Variants in DNAAF9 observed in about 807,000 individuals in gnomAD.
The protein encoded by DNAAF9 is dynein axonemal assembly factor 9, also known as shulin.
In DNAAF9, 90 loss-of-function variants were observed where a neutral mutation model predicts 167.0. The observed-to-expected ratio is 0.54, with a 90% CI of 0.45 to 0.64. DNAAF9 has a LOEUF of 0.64. DNAAF9 is among the 30% of genes least tolerant of loss of function. The pLI, the probability that DNAAF9 is intolerant of heterozygous loss-of-function variation, is 0.00. For synonymous variants in DNAAF9, 491 were observed against 508.8 expected, an observed-to-expected ratio of 0.96 and a Z score of 0.47; for missense variants, 1,315 against 1,442.2, an observed-to-expected ratio of 0.91 and a Z score of 1.43.
intron 31 of DNAAF9, among the ~76,000 whole-genome samples, chr20:3,264,094 A>G (rs912977200): frequency 1.1e-4 from 16 of 152,240 alleles, no homozygotes; most frequent in African/African-American, 3.9e-4. Context: ...TATTGTCAGA[A>G]GCGAGTCTCA....
chr20:3,298,198 T>A, intron 21 of DNAAF9, 23 bp from the exon 22 acceptor site: 1 of 1,604,782 alleles, frequency 6.2e-7, no homozygotes, highest in East Asian at 2.2e-5. Flanking sequence ...GGAGGGAGCA[T>A]CAGCAAGAAG....
chr20:3,294,157 G>T lies in DNAAF9; in HGVS notation c.2220C>A (p.His740Gln). ...CCTCTACCTTGTCACTTTCTATTCT[G>T]TGAGTAGTGTTGATTTCAGCTTGCT... ...LLQQAEINTT[H>Q]RIESDKVIIS... The change falls in exon 25 of 37, where the codon CAC becomes CAA. Residue 740 changes from histidine to glutamine, a missense_variant. Physicochemically the swap from His to Gln is conservative, Grantham distance 24. Coordinates refer to ENST00000252032, the MANE Select transcript of DNAAF9 (RefSeq NM_001009984.3). The T allele has an allele frequency of 6.3e-7, 1 of 1,592,400 alleles. No homozygotes were observed. Among genetic ancestry groups the T allele is most frequent in the East Asian group, 2.2e-5 (1 of 44,786 alleles).
chr20:3,288,023 A>G (rs964475838), intron 26 of DNAAF9, among the ~76,000 whole-genome samples: 2 of 152,214 alleles, frequency 1.3e-5, no homozygotes, highest in Admixed American at 6.5e-5. Context: ...ACCCCTTGCC[A>G]TAGGGAAAAT....
chr20:3,389,704 C>T (rs1199264977), intron 1 of DNAAF9, among the ~76,000 whole-genome samples: 1 of 151,586 alleles, frequency 6.6e-6, no homozygotes, highest in Non-Finnish European at 1.5e-5. Context: ...TAAAGAATAA[C>T]AACAAAATGC....
At chr20:3,345,630 A>G (rs1195407338) in intron 8 of DNAAF9, among the ~76,000 whole-genome samples, 1 of 152,230 alleles carries the variant, frequency 6.6e-6, no homozygotes, top group Non-Finnish European at 1.5e-5. Context: ...TACAAGTGCT[A>G]GAGGGTAACT....
chr20:3,337,440 G>GTTTTTTTTTT, intron 10 of DNAAF9, among the ~76,000 whole-genome samples: 1 of 134,402 alleles, frequency 7.4e-6, no homozygotes, highest in Non-Finnish European at 1.6e-5. Context: ...CTTTTTTTTT[G>GTTTTTTTTTT]TTTTTTTTTT....
intron 35 of DNAAF9, 116 bp from the exon 36 acceptor site, chr20:3,253,935 A>G: frequency 1.5e-6 from 1 of 648,186 alleles, no homozygotes; most frequent in South Asian, 1.9e-5. Context: ...TATACAGAGG[A>G]GCTAGGAAGC....
chr20:3,380,009 T>C (rs2083626608), intron 3 of DNAAF9, among the ~76,000 whole-genome samples: 1 of 152,184 alleles, frequency 6.6e-6, no homozygotes, highest in Admixed American at 6.5e-5. Context: ...TGAGCCAAGA[T>C]CGCACAACTG....
intron 20 of DNAAF9, among the ~76,000 whole-genome samples, chr20:3,308,752 G>C (rs2069349528): frequency 6.6e-6 from 1 of 151,906 alleles, no homozygotes; most frequent in African/African-American, 2.4e-5. Context: ...TGAGGTGGGA[G>C]CTTCACGTGA....
At chr20:3,271,773 C>T (rs924259501) in intron 29 of DNAAF9, among the ~76,000 whole-genome samples, 2 of 151,708 alleles carry the variant, frequency 1.3e-5, no homozygotes, top group Non-Finnish European at 2.9e-5. Context: ...TGGTGCGCGC[C>T]ACCATGCCCA....
chr20:3,290,816 T>G (rs1600716071), intron 25 of DNAAF9, among the ~76,000 whole-genome samples: 2 of 138,650 alleles, frequency 1.4e-5, no homozygotes, highest in Admixed American at 7.7e-5. Context: ...TGAGATGGAG[T>G]CTCACTCTGT....
At chr20:3,272,736 T>C (rs1488544912) in intron 29 of DNAAF9, among the ~76,000 whole-genome samples, 2 of 152,224 alleles carry the variant, frequency 1.3e-5, no homozygotes, top group African/African-American at 4.8e-5. Context: ...AATAGAATTC[T>C]CACAGGTGTT....
chr20:3,311,995 C>CT (rs397962124), intron 20 of DNAAF9, among the ~76,000 whole-genome samples: 28,844 of 145,050 alleles, frequency 0.2, 3,040 homozygotes, highest in African/African-American at 0.25. Context: ...TCTTTTTTTT[C>CT]TTTTTTTTTT....
At chr20:3,378,683 TA>T (rs887300499) in intron 3 of DNAAF9, among the ~76,000 whole-genome samples, 1 of 152,024 alleles carries the variant, frequency 6.6e-6, no homozygotes, top group Non-Finnish European at 1.5e-5. Flanking sequence ...GGCACACGCA[TA>T]GGGGCAGAGA....
Position 3,260,001 on chromosome 20 carries a change from T to A in DNAAF9, c.2901A>T (p.Ser967=). The change falls in exon 32 of 37, where the codon TCA becomes TCT. Residue 967 remains serine, a synonymous_variant. Transcript: ENST00000252032. The part of the protein sequence containing the change: ...GWYEGKLNAG[S]VYPLMVQICV... ...AGATCTGAACCATTAGGGGATAGACTGATCCAGCATTCAATTTACCTTCAT... is the reference window on the plus strand; with the variant it reads ...AGATCTGAACCATTAGGGGATAGACAGATCCAGCATTCAATTTACCTTCAT... 6.2e-7 allele frequency: 1 copy of A among 1,611,128 alleles called. No individual in the cohort carries two copies. The highest frequency in any genetic ancestry group is 8.5e-7 in the Non-Finnish European group (1 of 1,177,210).
intron 21 of DNAAF9, 26 bp downstream of exon 21, chr20:3,304,414 A>G: frequency 3.8e-6 from 4 of 1,040,502 alleles, no homozygotes; most frequent in Non-Finnish European, 6.1e-6. Context: ...CCGACCAAAA[A>G]AGCCACTGAC....
At chr20:3,383,838 G>A (rs183806240) in intron 1 of DNAAF9, among the ~76,000 whole-genome samples, 3 of 142,654 alleles carry the variant, frequency 2.1e-5, no homozygotes, top group Admixed American at 7.3e-5. Context: ...TCACTCTGTC[G>A]CCCAGGCTGG....
Position 3,381,494 on chromosome 20 carries a change from G to C in DNAAF9, c.168C>G (p.Ile56Met). 6.2e-7 allele frequency: 1 copy of C among 1,613,326 alleles called. No individual in the cohort carries two copies. Among genetic ancestry groups the C allele is most frequent in the Non-Finnish European group, 8.5e-7 (1 of 1,179,776 alleles). ...RPDGILCILGIDSRYNEGCRE... is the reference protein window; with the variant it reads ...RPDGILCILGMDSRYNEGCRE... Reference sequence around the variant, plus strand: ...TGCAGCCTTCATTGTACCTGCTATCGATTCCTGCAAGGCAAAGGAGGCTCT... The same window carrying C: ...TGCAGCCTTCATTGTACCTGCTATCCATTCCTGCAAGGCAAAGGAGGCTCT... Residue 56 changes from isoleucine to methionine, a missense_variant, in exon 3 of 37, where the codon ATC (isoleucine) becomes ATG (methionine). Physicochemically the swap from Ile to Met is conservative, Grantham distance 10. Transcript: ENST00000252032.
intron 16 of DNAAF9, among the ~76,000 whole-genome samples, chr20:3,320,871 G>C (rs2069602888): frequency 6.6e-6 from 1 of 152,128 alleles, no homozygotes; most frequent in Non-Finnish European, 1.5e-5. Flanking sequence ...TTCAAACTAA[G>C]GCTCAGGCAG....
Sources: gnomAD v4.1 joint callset for allele counts (sites outside exome capture counted in the v4.1 genomes callset) on GRCh38, gnomAD v4.1.1 for gene constraint, MANE v1.5 for transcripts, NCBI Gene and HGNC (gene_info 2026-07-23, HGNC 2026-07-21) for gene names.